The following DENND1B variants were observed in gnomAD, a reference collection of about 807,000 sequenced individuals.
DENND1B encodes DENN domain-containing protein 1B.
Under a neutral mutation model 90.1 loss-of-function variants are expected in DENND1B, and 59 were observed. The observed-to-expected ratio is 0.65, with a 90% confidence interval of 0.53 to 0.81. The LOEUF is 0.81. Among genes scored for constraint, DENND1B ranks in the 40% least tolerant of loss-of-function variants. The pLI is 0.00. For missense variants in DENND1B, 862 were observed against 912.6 expected, an observed-to-expected ratio of 0.94 and a Z score of 0.71; for synonymous variants, 337 against 324.6, an observed-to-expected ratio of 1.04 and a Z score of -0.41.
chr1:197,585,364 A>C (rs1674608703), intron 14 of DENND1B, among the ~76,000 whole-genome samples: 1 of 152,258 alleles, frequency 6.6e-6, no homozygotes, highest in South Asian at 2.1e-4. Flanking sequence ...AGTAATCAGG[A>C]CTAATAGTAA....
Position 197,547,541 on chromosome 1 carries a change from A to G in DENND1B, c.1241-768T>C, listed in dbSNP as rs183540517. ...TAATTTAAAAGAAATATCAAAAAAC[A>G]ATTTTTATTCTGAAAAACATCTCTG... On this transcript the variant is annotated intron_variant, in intron 16 of 22. Transcript: ENST00000620048. Among the ~76,000 whole-genome samples the G allele has an allele frequency of 4.6e-5, 7 of 152,292 alleles. No individual in the cohort carries two copies. The East Asian group carries it at 1.4e-3, about 29-fold the overall frequency.
intron 13 of DENND1B, among the ~76,000 whole-genome samples, chr1:197,602,054 G>T (rs1403207458): frequency 1.3e-5 from 2 of 151,498 alleles, no homozygotes; most frequent in Non-Finnish European, 3.0e-5. Context: ...TCACAACATG[G>T]TCTCTTTTTC....
chr1:197,518,700 T>G (rs569476683), intron 20 of DENND1B, among the ~76,000 whole-genome samples: 1 of 151,988 alleles, frequency 6.6e-6, no homozygotes, highest in East Asian at 1.9e-4. Context: ...TGGCTCTAGA[T>G]TTACAATGCA....
chr1:197,734,948 A>C, intron 2 of DENND1B: 1 of 985,430 alleles, frequency 1.0e-6, no homozygotes, highest in Non-Finnish European at 1.2e-6. Context: ...AAGCCTGGCA[A>C]ACAAAAATAT....
At chr1:197,720,542 T>C (rs768959423) in intron 2 of DENND1B, among the ~76,000 whole-genome samples, 1 of 146,644 alleles carries the variant, frequency 6.8e-6, no homozygotes, top group Non-Finnish European at 1.5e-5. Context: ...TACTCAGACT[T>C]ACCATAATTT....
At chr1:197,520,094 T>A (rs1476341155) in intron 20 of DENND1B, among the ~76,000 whole-genome samples, 2 of 151,844 alleles carry the variant, frequency 1.3e-5, no homozygotes, top group Non-Finnish European at 2.9e-5. Context: ...ATCCATCTAA[T>A]CAAGAAATAT....
chr1:197,618,264 C>T (rs1333118469), intron 10 of DENND1B, among the ~76,000 whole-genome samples: 3 of 151,048 alleles, frequency 2.0e-5, no homozygotes, highest in Middle Eastern at 3.2e-3. Flanking sequence ...CTTGAATGTT[C>T]GACAGTTGGA....
chr1:197,654,067 T>C (rs1428698592), intron 6 of DENND1B, among the ~76,000 whole-genome samples: 3 of 152,216 alleles, frequency 2.0e-5, no homozygotes, highest in African/African-American at 7.2e-5. Flanking sequence ...ATCAAATATA[T>C]ACAGAAAAAT....
intron 3 of DENND1B, among the ~76,000 whole-genome samples, chr1:197,714,179 T>G (rs1660392880): frequency 6.6e-6 from 1 of 151,364 alleles, no homozygotes; most frequent in South Asian, 2.1e-4. Context: ...TTCACCATGT[T>G]AGTCAGGCTG....
At chr1:197,601,589 C>A (rs1307831658) in intron 13 of DENND1B, among the ~76,000 whole-genome samples, 1 of 151,428 alleles carries the variant, frequency 6.6e-6, no homozygotes, top group Non-Finnish European at 1.5e-5. Context: ...AAAAGAAAGG[C>A]TAGGTAATTT....
intron 5 of DENND1B, among the ~76,000 whole-genome samples, chr1:197,671,473 C>T (rs1377468328): frequency 6.6e-6 from 1 of 152,168 alleles, no homozygotes; most frequent in Non-Finnish European, 1.5e-5. Context: ...TCAGTTCCAG[C>T]TTATTGTTGC....
intron 10 of DENND1B, among the ~76,000 whole-genome samples, chr1:197,637,778 T>A (rs967240454): frequency 9.2e-5 from 14 of 152,172 alleles, no homozygotes; most frequent in Non-Finnish European, 1.6e-4. Flanking sequence ...CTAGAATCTT[T>A]CCCTGAGAGA....
rs564059345 is a variant in DENND1B, at chr1:197,605,743, T to G, written c.921+1330A>C. ...ATGTAATTTTTCACTGGCCTAGGAT[T>G]AGATTTGTACATTCATAGCATAAGT... On this transcript the variant is annotated intron_variant, in intron 13 of 22. Transcript: ENST00000620048. The G allele has an allele frequency of 4.6e-5, 7 of 151,294 alleles. 1 individual carries two copies. The South Asian group carries it at 1.5e-3, about 31-fold the overall frequency. 9.4% of individuals were successfully genotyped at this position (151,294 alleles called of 1,614,324 possible).
At chr1:197,735,055 TTAA>T in intron 2 of DENND1B, 1 of 982,790 alleles carries the variant, frequency 1.0e-6, no homozygotes, top group Non-Finnish European at 1.2e-6. Context: ...GGACAAAATT[TTAA>T]CAAAATTTAA....
intron 20 of DENND1B, among the ~76,000 whole-genome samples, chr1:197,538,195 C>T (rs1218666057): frequency 6.6e-6 from 1 of 151,918 alleles, no homozygotes; most frequent in Non-Finnish European, 1.5e-5. Context: ...AAAATCTACT[C>T]GCCATGGTAA....
intron 10 of DENND1B, among the ~76,000 whole-genome samples, chr1:197,625,610 C>T (rs549596294): frequency 2.6e-4 from 40 of 152,006 alleles, no homozygotes; most frequent in African/African-American, 8.2e-4. Flanking sequence ...CATCAACTAA[C>T]GAGCAAAATC....
At chr1:197,758,076 G>C (rs1179747421) in intron 2 of DENND1B, among the ~76,000 whole-genome samples, 3 of 152,136 alleles carry the variant, frequency 2.0e-5, no homozygotes, top group Non-Finnish European at 2.9e-5. Flanking sequence ...TGGAAGAAAG[G>C]AGCGCTAAAG....
intron 10 of DENND1B, among the ~76,000 whole-genome samples, chr1:197,621,863 T>A (rs1367785435): frequency 6.6e-6 from 1 of 151,456 alleles, no homozygotes; most frequent in South Asian, 2.1e-4. Context: ...TGGAAAAAAA[T>A]TTCTTATCTT....
At chr1:197,653,397 G>T (rs1572203813) in intron 6 of DENND1B, among the ~76,000 whole-genome samples, 1 of 151,980 alleles carries the variant, frequency 6.6e-6, no homozygotes, top group East Asian at 1.9e-4. Flanking sequence ...GAAAATTGTG[G>T]CTCATATTGA....
Sources: gnomAD v4.1 joint callset for allele counts (sites outside exome capture counted in the v4.1 genomes callset) on GRCh38, gnomAD v4.1.1 for gene constraint, MANE v1.5 for transcripts, NCBI Gene and HGNC (gene_info 2026-07-23, HGNC 2026-07-21) for gene names.